The following LRRIQ1 variants were observed in gnomAD, a reference collection of about 807,000 sequenced individuals.
LRRIQ1 encodes leucine rich repeats and IQ motif containing 1.
In LRRIQ1, 210 loss-of-function variants were observed where a neutral mutation model predicts 211.9. That is an observed-to-expected ratio of 0.99 (90% CI 0.89 to 1.11). The LOEUF (loss-of-function observed/expected upper bound fraction) is 1.11. LRRIQ1 is among the 50% of genes most tolerant of loss of function. The pLI is 0.00. For missense variants in LRRIQ1, 2,136 were observed against 1,939.5 expected (o/e 1.10, Z -1.90); for synonymous variants, 699 against 650.1 (o/e 1.08, Z -1.14).
chr12:85,068,142 A>T (rs144051349), intron 10 of LRRIQ1, among the ~76,000 whole-genome samples: 13 of 152,060 alleles, frequency 8.5e-5, no homozygotes, highest in African/African-American at 2.4e-4. Context: ...ACAATCGAGT[A>T]TCGCCAAAAA....
intron 7 of LRRIQ1, among the ~76,000 whole-genome samples, chr12:85,053,739 G>T (rs889428762): frequency 6.6e-6 from 1 of 152,036 alleles, no homozygotes; most frequent in African/African-American, 2.4e-5. Flanking sequence ...ATGGAGTCTC[G>T]CTCCGTCGCC....
At chr12:85,177,743 G>A (rs992586640) in intron 24 of LRRIQ1, among the ~76,000 whole-genome samples, 1 of 152,020 alleles carries the variant, frequency 6.6e-6, no homozygotes, top group African/African-American at 2.4e-5. Context: ...AGATAAAATG[G>A]TCAGATTTGT....
intron 19 of LRRIQ1, among the ~76,000 whole-genome samples, chr12:85,151,984 CA>C (rs1171722238): frequency 6.6e-6 from 1 of 151,604 alleles, no homozygotes; most frequent in African/African-American, 2.4e-5. Context: ...AGATTTGGCT[CA>C]GAGTCATAGT....
chr12:85,177,338 G>A (rs1015161030), intron 24 of LRRIQ1, among the ~76,000 whole-genome samples: 3 of 151,946 alleles, frequency 2.0e-5, no homozygotes, highest in African/African-American at 7.2e-5. Context: ...GGGGGTGAGG[G>A]GCAACATAAA....
intron 19 of LRRIQ1, among the ~76,000 whole-genome samples, chr12:85,145,135 C>A (rs891296852): frequency 4.2e-4 from 63 of 151,332 alleles, no homozygotes; most frequent in African/African-American, 1.4e-3. Context: ...TCCTTTCCTG[C>A]CAACAATGCT....
intron 23 of LRRIQ1, among the ~76,000 whole-genome samples, chr12:85,158,429 CA>C (rs1399371435): frequency 6.6e-6 from 1 of 150,918 alleles, no homozygotes; most frequent in Non-Finnish European, 1.5e-5. Flanking sequence ...TTTACACCTG[CA>C]AAAAATGGGT....
intron 11 of LRRIQ1, among the ~76,000 whole-genome samples, chr12:85,083,305 G>C (rs1884485153): frequency 6.6e-6 from 1 of 151,960 alleles, no homozygotes; most frequent in Admixed American, 6.6e-5. Context: ...TTTTGAATGA[G>C]AATTCATTAC....
intron 24 of LRRIQ1, among the ~76,000 whole-genome samples, chr12:85,162,005 CT>C (rs1890913106): frequency 6.6e-6 from 1 of 151,540 alleles, no homozygotes; most frequent in African/African-American, 2.4e-5. Flanking sequence ...CGCCACTGCA[CT>C]CCAGCCTGGG....
chr12:85,058,852 A>G (rs1881448969), intron 8 of LRRIQ1, among the ~76,000 whole-genome samples: 1 of 151,898 alleles, frequency 6.6e-6, no homozygotes, highest in Non-Finnish European at 1.5e-5. Flanking sequence ...TGAGTGGACT[A>G]ATCTGAGTAG....
At chr12:85,083,488 G>T (rs1463432665) in intron 11 of LRRIQ1, among the ~76,000 whole-genome samples, 1 of 150,920 alleles carries the variant, frequency 6.6e-6, no homozygotes, top group Admixed American at 6.6e-5. Flanking sequence ...TCGCCAGGCT[G>T]GAGTGCAGTG....
chr12:85,218,152 A>G (rs1038416022), intron 24 of LRRIQ1, among the ~76,000 whole-genome samples: 1 of 152,024 alleles, frequency 6.6e-6, no homozygotes, highest in Non-Finnish European at 1.5e-5. Flanking sequence ...AGGATGCACT[A>G]AAATCCTTAT....
At chr12:85,110,331 C>T (rs1183765693) in intron 15 of LRRIQ1, among the ~76,000 whole-genome samples, 1 of 151,986 alleles carries the variant, frequency 6.6e-6, no homozygotes, top group Non-Finnish European at 1.5e-5. Context: ...TGATCAAAAC[C>T]ACTAATACAA....
At chr12:85,082,757 A>G (rs1037757183) in intron 11 of LRRIQ1, among the ~76,000 whole-genome samples, 3 of 152,266 alleles carry the variant, frequency 2.0e-5, no homozygotes, top group Admixed American at 6.5e-5. Context: ...TTATGATACC[A>G]TATTGCATTG....
intron 24 of LRRIQ1, among the ~76,000 whole-genome samples, chr12:85,189,778 TAA>T (rs368785804): frequency 1.4e-5 from 2 of 146,772 alleles, no homozygotes; most frequent in East Asian, 3.9e-4. Flanking sequence ...TAATATCTAA[TAA>T]TATATATTAT....
chr12:85,157,016 G>A (rs1890586916), intron 23 of LRRIQ1, among the ~76,000 whole-genome samples: 1 of 151,742 alleles, frequency 6.6e-6, no homozygotes, highest in Non-Finnish European at 1.5e-5. Flanking sequence ...TTTGTATTTT[G>A]TACATGTTTT....
chr12:85,176,983 T>C (rs536346733), intron 24 of LRRIQ1, among the ~76,000 whole-genome samples: 1 of 152,234 alleles, frequency 6.6e-6, no homozygotes, highest in East Asian at 1.9e-4. Flanking sequence ...CTTGGAGTTA[T>C]GTAAGACAGA....
chr12:85,224,177 G>A (rs1327618693), intron 24 of LRRIQ1, among the ~76,000 whole-genome samples: 1 of 151,900 alleles, frequency 6.6e-6, no homozygotes, highest in Non-Finnish European at 1.5e-5. Context: ...TTAAAGAAAT[G>A]CAAATCAAAA....
chr12:85,216,142 G>C (rs957690469), intron 24 of LRRIQ1, among the ~76,000 whole-genome samples: 2 of 152,074 alleles, frequency 1.3e-5, no homozygotes, highest in African/African-American at 4.8e-5. Flanking sequence ...ATCTACATTA[G>C]GTATTTCTCC....
intron 23 of LRRIQ1, among the ~76,000 whole-genome samples, chr12:85,157,229 G>A (rs562947174): frequency 1.3e-5 from 2 of 151,908 alleles, no homozygotes; most frequent in African/African-American, 4.8e-5. Flanking sequence ...AGCTACTAGG[G>A]GAGACTTAGT....
Sources: allele counts gnomAD v4.1 joint callset (sites outside exome capture counted in the v4.1 genomes callset), GRCh38; gene constraint gnomAD v4.1.1; transcripts MANE v1.5; gene names NCBI Gene and HGNC (gene_info 2026-07-23, HGNC 2026-07-21).